Variants in STAG1 observed in about 807,000 individuals in gnomAD.
STAG1 encodes cohesin subunit SA-1.
STAG1 carries 26 observed loss-of-function variants against 170.9 expected under a neutral mutation model. The ratio of observed to expected loss-of-function variants is 0.15; its 90% CI spans 0.11 to 0.21. The LOEUF (loss-of-function observed/expected upper bound fraction) is 0.21, where lower values mean the gene tolerates loss of function less well. Ranked by LOEUF, STAG1 falls within the 10% of genes least tolerant of loss-of-function variation. The pLI, the probability that STAG1 is intolerant of heterozygous loss-of-function variation, is 1.00. For missense variants in STAG1, 964 were observed against 1,509.5 expected, an observed-to-expected ratio of 0.64 and a Z score of 5.99; for synonymous variants, 514 against 497.7, an observed-to-expected ratio of 1.03 and a Z score of -0.44.
chr3:136,618,380 T>C (rs1939691575), intron 3 of STAG1, among the ~76,000 whole-genome samples: 1 of 152,244 alleles, frequency 6.6e-6, no homozygotes, highest in African/African-American at 2.4e-5. Flanking sequence ...GCACTCACCA[T>C]TGTTCCATCT....
At chr3:136,685,781 G>T (rs116489060) in intron 1 of STAG1, among the ~76,000 whole-genome samples, 3 of 152,074 alleles carry the variant, frequency 2.0e-5, no homozygotes, top group African/African-American at 7.2e-5. Context: ...AGGGTTGGGG[G>T]GACTAGTATG....
intron 29 of STAG1, 79 bp from the exon 30 acceptor site, chr3:136,344,085 G>A (rs961082994): frequency 2.3e-5 from 26 of 1,124,104 alleles, no homozygotes; most frequent in Admixed American, 1.4e-4. Context: ...GACTTGTGAA[G>A]AGTGTGGCTC....
intron 1 of STAG1, among the ~76,000 whole-genome samples, chr3:136,640,614 C>T (rs1940756015): frequency 6.6e-6 from 1 of 150,996 alleles, no homozygotes; most frequent in Non-Finnish European, 1.5e-5. Flanking sequence ...GGTGAACCGC[C>T]CGCCTCAGCC....
At position 136,502,681 on chromosome 3, in the gene STAG1, T is replaced by G; in HGVS notation, c.775A>C (p.Ile259Leu). 1 of 1,614,022 alleles carries G rather than the reference T, an allele frequency of 6.2e-7. No individual in the cohort carries two copies. Among genetic ancestry groups the G allele is most frequent in the Non-Finnish European group, 8.5e-7 (1 of 1,179,964 alleles). Residue 259 changes from isoleucine (I) to leucine (L), a missense_variant, in exon 8 of 34, where the codon ATT becomes CTT. Ile to Leu is a conservative substitution (Grantham distance 5, BLOSUM62 2). Around this residue, in one of 11 missense-constraint regions of STAG1, gnomAD observed 57 missense variants for 157.6 expected, o/e 0.36. Transcript: ENST00000383202. ...RQYEAERNKM[I>L]GKRANERLEL... ...AACCTTTCATTGGCTCTCTTCCCAATCATTTTATTTCTCTCGGCTTCATAT... is the reference window on the plus strand; with the variant it reads ...AACCTTTCATTGGCTCTCTTCCCAAGCATTTTATTTCTCTCGGCTTCATAT...
At chr3:136,502,547 C>G in intron 8 of STAG1, 81 bp downstream of exon 8, 1 of 1,415,876 alleles carries the variant, frequency 7.1e-7, no homozygotes, top group Non-Finnish European at 9.6e-7. Context: ...AACCTTTTTA[C>G]AGGGAACTTA....
intron 2 of STAG1, 137 bp downstream of exon 2, chr3:136,630,733 C>T (rs1028128163): frequency 1.4e-6 from 1 of 700,508 alleles, no homozygotes; most frequent in South Asian, 1.7e-5. Context: ...CCTACTACTA[C>T]TTACACTGCA....
intron 16 of STAG1, among the ~76,000 whole-genome samples, chr3:136,429,827 C>T (rs2088240583): frequency 1.3e-5 from 2 of 152,156 alleles, no homozygotes; most frequent in Admixed American, 6.6e-5. Flanking sequence ...AGGATGAAGA[C>T]TTTTATGTTG....
At chr3:136,451,591 C>T (rs879571897) in intron 14 of STAG1, among the ~76,000 whole-genome samples, 1 of 151,934 alleles carries the variant, frequency 6.6e-6, no homozygotes, top group Non-Finnish European at 1.5e-5. Context: ...GGTGAAACCC[C>T]GTCTCTACTA....
intron 7 of STAG1, among the ~76,000 whole-genome samples, chr3:136,516,466 C>T (rs1315295844): frequency 6.6e-6 from 1 of 151,964 alleles, no homozygotes; most frequent in Non-Finnish European, 1.5e-5. Context: ...CAAAACCATG[C>T]CACTGCACTG....
At chr3:136,636,858 G>A (rs1057443700) in intron 1 of STAG1, among the ~76,000 whole-genome samples, 2 of 152,132 alleles carry the variant, frequency 1.3e-5, no homozygotes, top group African/African-American at 4.8e-5. Flanking sequence ...GCAGCTCAGG[G>A]AGCAAGGTAA....
intron 1 of STAG1, among the ~76,000 whole-genome samples, chr3:136,632,222 G>T (rs1940359830): frequency 6.6e-6 from 1 of 152,136 alleles, no homozygotes; most frequent in Non-Finnish European, 1.5e-5. Context: ...AAAACTTCAA[G>T]AATAAGCCTC....
At chr3:136,668,209 G>A (rs1022489205) in intron 1 of STAG1, among the ~76,000 whole-genome samples, 3 of 150,708 alleles carry the variant, frequency 2.0e-5, no homozygotes, top group African/African-American at 4.9e-5. Context: ...CATTCTAGCC[G>A]AGGCAACAGA....
intron 1 of STAG1, among the ~76,000 whole-genome samples, chr3:136,646,268 C>T (rs1941008850): frequency 6.6e-6 from 1 of 152,224 alleles, no homozygotes; most frequent in Non-Finnish European, 1.5e-5. Context: ...GGATTACAGG[C>T]ATGAGCCACC....
At chr3:136,341,291 A>G in intron 31 of STAG1, 150 bp downstream of exon 31, 1 of 576,056 alleles carries the variant, frequency 1.7e-6, no homozygotes, top group Admixed American at 3.2e-5. Flanking sequence ...AGTGTTAAGA[A>G]CTCACACCCT....
chr3:136,598,432 T>TC (rs1938522796), intron 4 of STAG1, among the ~76,000 whole-genome samples: 1 of 151,876 alleles, frequency 6.6e-6, no homozygotes, highest in Admixed American at 6.6e-5. Context: ...CTTTTTTTTT[T>TC]TTCTTTTTTT....
chr3:136,739,503 C>CA (rs1165327249), intron 1 of STAG1, among the ~76,000 whole-genome samples: 1,948 of 45,158 alleles, frequency 0.043, 61 homozygotes, highest in Admixed American at 0.13. Context: ...CAGACTCCGT[C>CA]AAAAAAAAAA....
chr3:136,371,059 T>C (rs558515067), intron 23 of STAG1, among the ~76,000 whole-genome samples: 1 of 152,226 alleles, frequency 6.6e-6, no homozygotes, highest in Admixed American at 6.5e-5. Context: ...TTCTAACTGG[T>C]GTGAGATGGT....
intron 1 of STAG1, among the ~76,000 whole-genome samples, chr3:136,692,587 A>T (rs561007949): frequency 3.5e-4 from 53 of 152,212 alleles, no homozygotes; most frequent in African/African-American, 1.3e-3. Context: ...GCAAGCCAAG[A>T]TCGTGCCACT....
intron 6 of STAG1, among the ~76,000 whole-genome samples, chr3:136,527,529 G>C (rs1935105412): frequency 6.6e-6 from 1 of 152,050 alleles, no homozygotes. Context: ...CTTTGTGATG[G>C]GTTCCAACTT....
Sources: gnomAD v4.1 joint callset for allele counts (sites outside exome capture counted in the v4.1 genomes callset) on GRCh38, gnomAD v4.1.1 for gene constraint, gnomAD v4.1.1 regional missense constraint, MANE v1.5 for transcripts, NCBI Gene and HGNC (gene_info 2026-07-23, HGNC 2026-07-21) for gene names.